Variants in COLEC12 observed in about 807,000 individuals in gnomAD.
COLEC12 encodes the protein collectin-12.
Under a neutral mutation model 71.1 loss-of-function variants are expected in COLEC12, and 33 were observed. That is an observed-to-expected ratio of 0.46 (90% CI 0.35 to 0.62). The LOEUF is 0.62. COLEC12 is among the 20% of genes least tolerant of loss of function. The probability of loss-of-function intolerance (pLI) is 0.00; values close to 1 mark genes in which losing one functional copy is unlikely to be tolerated. For missense variants in COLEC12, 765 were observed against 916.1 expected (o/e 0.84, Z 2.13); for synonymous variants, 350 against 353.0 (o/e 0.99, Z 0.10).
intron 2 of COLEC12, among the ~76,000 whole-genome samples, chr18:438,079 T>C (rs1335572962): frequency 1.1e-4 from 16 of 152,218 alleles, no homozygotes; most frequent in Admixed American, 1.0e-3. Flanking sequence ...AGGAGTAAGA[T>C]GACTATGTGC....
rs144164447 is a variant in COLEC12, at chr18:363,760, C to T, written c.59-6238G>A. ...ACACTTTATCCACCGAAATAACTAG[C>T]TTTTCCTTATGATGAAGGCTATTTA... On this transcript the variant is annotated intron_variant, in intron 2 of 9. Transcript: ENST00000400256. 9.0e-3 allele frequency among the ~76,000 whole-genome samples: 1,371 copies of T among 152,210 alleles called. 24 individuals are homozygous for T. Among genetic ancestry groups the T allele is most frequent in the African/African-American group, 0.031 (1,303 of 41,528 alleles).
rs1917384623 is a variant in COLEC12, at chr18:480,132, A to G, written c.58+575T>C. Among the ~76,000 whole-genome samples, 1 of 152,284 alleles carries G rather than the reference A, an allele frequency of 6.6e-6. No individual in the cohort carries two copies. Among genetic ancestry groups the G allele is most frequent in the South Asian group, 2.1e-4 (1 of 4,820 alleles). On this transcript the variant is annotated intron_variant, in intron 2 of 9. Transcript: ENST00000400256. The surrounding 1 kb of genome is among the most constrained non-coding windows in gnomAD (Gnocchi z 4.1). Reference sequence around the variant, plus strand: ...TCAGGGCCCACCCAGGTAACCCAGGATCATCTCCCCATCTCAAGCTCTTCA... The same window carrying G: ...TCAGGGCCCACCCAGGTAACCCAGGGTCATCTCCCCATCTCAAGCTCTTCA...
intron 1 of COLEC12, among the ~76,000 whole-genome samples, chr18:491,371 A>T (rs975408985): frequency 2.6e-5 from 4 of 152,208 alleles, no homozygotes; most frequent in African/African-American, 9.6e-5. Flanking sequence ...AAATTCAAAG[A>T]CCTGGGTTTG....
intron 2 of COLEC12, among the ~76,000 whole-genome samples, chr18:442,457 G>T (rs1015988940): frequency 2.6e-5 from 4 of 152,186 alleles, no homozygotes; most frequent in Non-Finnish European, 5.9e-5. Flanking sequence ...ACCAAGCTCA[G>T]ACTTAGCCCC....
At chr18:442,036 C>CACAT (rs1916552420) in intron 2 of COLEC12, among the ~76,000 whole-genome samples, 1 of 148,618 alleles carries the variant, frequency 6.7e-6, no homozygotes, top group Non-Finnish European at 1.5e-5. Flanking sequence ...CACACACACA[C>CACAT]ACACACACAC....
At chr18:366,704 G>A (rs540551149) in intron 2 of COLEC12, among the ~76,000 whole-genome samples, 6 of 152,288 alleles carry the variant, frequency 3.9e-5, no homozygotes, top group South Asian at 2.1e-4. Flanking sequence ...GTGGGCCCTC[G>A]CTTCCAGGAG....
In COLEC12 at chr18:318,644, C is replaced by T. The variant is rs1457199544; in HGVS notation, c.*1401G>A. 2 of 152,054 alleles carry T rather than the reference C, an allele frequency of 1.3e-5. No individual in the cohort carries two copies. The highest frequency in any genetic ancestry group is 4.8e-5 in the African/African-American group (2 of 41,362). 9.4% of individuals were successfully genotyped at this position (152,054 alleles called of 1,614,324 possible). A position where few individuals can be genotyped will look rare whatever the true frequency, so the allele number is the denominator to read the frequency against. Reference sequence around the variant, plus strand: ...AGTAGCTGGGATTACAGGCATGTGCCACTACACCCGGCTAATTTTCTTATT... The same window carrying T: ...AGTAGCTGGGATTACAGGCATGTGCTACTACACCCGGCTAATTTTCTTATT... On this transcript the variant is annotated 3_prime_UTR_variant, in exon 10 of 10. Coordinates refer to ENST00000400256, the MANE Select transcript of COLEC12 (RefSeq NM_130386.3).
rs117815531 is a variant in COLEC12 at position 337,538 on chromosome 18, G to A, written c.1328-2308C>T. 1.4e-4 allele frequency among the ~76,000 whole-genome samples: 21 copies of A among 152,282 alleles called. No homozygotes were observed. The East Asian group carries it at 3.5e-3, about 25-fold the overall frequency. The stretch of plus-strand genomic sequence containing the variant: ...TCTTCCAGTGGTAAAGAGAGTTTAC[G>A]CTAATGGCAAGGACTGGCCTAAATG... On this transcript the variant is annotated intron_variant, in intron 5 of 9. Transcript: ENST00000400256.
chr18:392,714 A>G (rs749873444), intron 2 of COLEC12, among the ~76,000 whole-genome samples: 8 of 152,242 alleles, frequency 5.3e-5, no homozygotes, highest in Non-Finnish European at 1.0e-4. Flanking sequence ...TTATGGGCCC[A>G]CTTCCAGCCT....
chr18:410,704 C>T lies in COLEC12; in HGVS notation c.59-53182G>A, dbSNP rs143136569. 8.1e-3 allele frequency among the ~76,000 whole-genome samples: 1,236 copies of T among 151,990 alleles called. 22 individuals carry two copies. The highest frequency in any genetic ancestry group is 9.2e-3 in the Non-Finnish European group (624 of 67,982). ...CCTCCCAAAGTGCTGGGATTACAGGCGTGAGCCATCACACCAGGCAATTAT... is the reference window on the plus strand; with the variant it reads ...CCTCCCAAAGTGCTGGGATTACAGGTGTGAGCCATCACACCAGGCAATTAT... On this transcript the variant is annotated intron_variant, in intron 2 of 9. Transcript: ENST00000400256.
In COLEC12 at chr18:319,333, A is replaced by AT. The variant is rs1400580381; in HGVS notation, c.*711_*712insA. On this transcript the variant is annotated 3_prime_UTR_variant, in exon 10 of 10. Coordinates refer to ENST00000400256, the MANE Select transcript of COLEC12 (RefSeq NM_130386.3). The stretch of plus-strand genomic sequence containing the variant: ...GGAAATGAAACATTAAAAAAAAAAA[A>AT]AAAAAAAAATATATATATATATATA... 1.1e-3 allele frequency: 71 copies of AT among 65,920 alleles called. No individual in the cohort carries two copies. Among genetic ancestry groups the AT allele is most frequent in the African/African-American group, 2.7e-3 (60 of 21,866 alleles). 4.1% of individuals were successfully genotyped at this position (65,920 alleles called of 1,614,324 possible).
rs577278111 is a variant in COLEC12 at position 467,372 on chromosome 18, C to T, written c.58+13335G>A. 3.9e-5 allele frequency among the ~76,000 whole-genome samples: 6 copies of T among 152,318 alleles called. No individual in the cohort carries two copies. The South Asian group carries it at 1.0e-3, about 26-fold the overall frequency. On this transcript the variant is annotated intron_variant, in intron 2 of 9. Transcript: ENST00000400256. ...GGATACCCTTTTGTGTATATGGATT[C>T]TAATACTTGAAAACTAACCAGAAAA...
intron 1 of COLEC12, among the ~76,000 whole-genome samples, chr18:482,756 C>T (rs529696266): frequency 1.3e-5 from 2 of 152,030 alleles, no homozygotes; most frequent in Admixed American, 1.3e-4. Flanking sequence ...GGATTGCAGG[C>T]GCCCACTACC....
intron 2 of COLEC12, among the ~76,000 whole-genome samples, chr18:380,596 C>T (rs1915209633): frequency 6.6e-6 from 1 of 152,150 alleles, no homozygotes; most frequent in Non-Finnish European, 1.5e-5. Context: ...TACACACACT[C>T]ACATACACAC....
chr18:420,895 C>A (rs1567902873), intron 2 of COLEC12, among the ~76,000 whole-genome samples: 1 of 141,544 alleles, frequency 7.1e-6, no homozygotes, highest in Non-Finnish European at 1.6e-5. Context: ...CTCTACCTGG[C>A]CCATAGAACC....
chr18:475,256 G>T (rs560861317), intron 2 of COLEC12, among the ~76,000 whole-genome samples: 1 of 152,172 alleles, frequency 6.6e-6, no homozygotes, highest in Non-Finnish European at 1.5e-5. Flanking sequence ...TCAGTCCTGT[G>T]CCTCACTTAG....
At chr18:455,873 C>A (rs544687482) in intron 2 of COLEC12, among the ~76,000 whole-genome samples, 1 of 152,162 alleles carries the variant, frequency 6.6e-6, no homozygotes, top group African/African-American at 2.4e-5. Context: ...ATATGTGTCA[C>A]GTTTTCTTTG....
At chr18:423,227 C>T (rs1189026940) in intron 2 of COLEC12, among the ~76,000 whole-genome samples, 1 of 152,142 alleles carries the variant, frequency 6.6e-6, no homozygotes, top group Non-Finnish European at 1.5e-5. Context: ...CATGATCATG[C>T]CACTGCACTC....
chr18:439,788 G>A (rs1326190846), intron 2 of COLEC12, among the ~76,000 whole-genome samples: 1 of 152,006 alleles, frequency 6.6e-6, no homozygotes, highest in African/African-American at 2.4e-5. Flanking sequence ...TGAAGCATCT[G>A]CAAAAAAAGT....
Sources: allele counts gnomAD v4.1 joint callset (sites outside exome capture counted in the v4.1 genomes callset), GRCh38; gene constraint gnomAD v4.1.1; non-coding constraint Gnocchi (gnomAD v3.1); transcripts MANE v1.5; gene names NCBI Gene and HGNC (gene_info 2026-07-23, HGNC 2026-07-21).